SLC22A15: variants seen among roughly 807,000 people sequenced by gnomAD.
SLC22A15 encodes the protein flipt 1.
Under a neutral mutation model 62.7 loss-of-function variants are expected in SLC22A15, and 45 were observed. The observed-to-expected ratio is 0.72, with a 90% confidence interval of 0.56 to 0.92. SLC22A15 has a LOEUF of 0.92. SLC22A15 is among the 40% of genes least tolerant of loss of function. The pLI is 0.00. For missense variants in SLC22A15, 622 were observed against 665.6 expected, an observed-to-expected ratio of 0.93 and a Z score of 0.72; for synonymous variants, 264 against 267.0, an observed-to-expected ratio of 0.99 and a Z score of 0.11.
In SLC22A15 at chr1:115,976,581, C is replaced by G; in HGVS notation, c.-47C>G. 1 of 1,437,866 alleles carries G rather than the reference C, an allele frequency of 7.0e-7. No homozygotes were observed. The highest frequency in any genetic ancestry group is 1.5e-5 in the African/African-American group (1 of 68,082). 89.1% of individuals were successfully genotyped at this position (1,437,866 alleles called of 1,614,324 possible). A position where few individuals can be genotyped will look rare whatever the true frequency, so the allele number is the denominator to read the frequency against. On this transcript the variant is annotated 5_prime_UTR_variant, in exon 1 of 12. Coordinates refer to ENST00000369503, the MANE Select transcript of SLC22A15 (RefSeq NM_018420.3). Reference sequence around the variant, plus strand: ...GTTGCCGCGCTGGGCGGGAGGGCAGCGCCTGAGAGGGCGGTGGGGTGGCGG... The same window carrying G: ...GTTGCCGCGCTGGGCGGGAGGGCAGGGCCTGAGAGGGCGGTGGGGTGGCGG...
At chr1:116,016,666 A>G (rs1291428518) in intron 2 of SLC22A15, among the ~76,000 whole-genome samples, 1 of 152,080 alleles carries the variant, frequency 6.6e-6, no homozygotes, top group Non-Finnish European at 1.5e-5. Context: ...AATTCCCACC[A>G]TGTACCTAAC....
chr1:116,003,557 G>A (rs1366670327), intron 2 of SLC22A15, among the ~76,000 whole-genome samples: 1 of 152,182 alleles, frequency 6.6e-6, no homozygotes, highest in East Asian at 1.9e-4. Flanking sequence ...CCTTCTGTGG[G>A]CACCAGCTGA....
chr1:116,009,080 A>G (rs74882339), intron 2 of SLC22A15, among the ~76,000 whole-genome samples: 5,900 of 152,184 alleles, frequency 0.039, 134 homozygotes, highest in African/African-American at 0.052. Flanking sequence ...AATAGAATGA[A>G]CAATAGTTAA....
At chr1:116,012,850 G>GT (rs1656340447) in intron 2 of SLC22A15, among the ~76,000 whole-genome samples, 1 of 152,204 alleles carries the variant, frequency 6.6e-6, no homozygotes, top group Non-Finnish European at 1.5e-5. Context: ...TCCTGGGCTA[G>GT]TAGTAAGTGT....
chr1:116,066,736 C>T (rs201569991), intron 11 of SLC22A15, 28 bp downstream of exon 11: 26 of 1,574,708 alleles, frequency 1.7e-5, no homozygotes, highest in East Asian at 4.5e-5. Flanking sequence ...ATTATTATAC[C>T]GCTTGGATAG....
chr1:115,985,551 G>A (rs941755028), intron 1 of SLC22A15, among the ~76,000 whole-genome samples: 1 of 151,972 alleles, frequency 6.6e-6, no homozygotes, highest in African/African-American at 2.4e-5. Flanking sequence ...ATAATATAAT[G>A]TGTTGCAAAG....
chr1:116,013,248 C>T (rs1341845475), intron 2 of SLC22A15, among the ~76,000 whole-genome samples: 4 of 152,210 alleles, frequency 2.6e-5, no homozygotes, highest in African/African-American at 9.6e-5. Context: ...AGCACACAGG[C>T]CATAACCCTC....
chr1:115,990,835 G>T (rs866469751), intron 1 of SLC22A15, among the ~76,000 whole-genome samples: 6 of 152,092 alleles, frequency 3.9e-5, no homozygotes, highest in African/African-American at 1.4e-4. Flanking sequence ...TCAGCTCACC[G>T]CAACTTCCAC....
chr1:116,017,378 A>AAG (rs1263699641), intron 2 of SLC22A15: 2 of 152,038 alleles, frequency 1.3e-5, no homozygotes, highest in Non-Finnish European at 1.5e-5. Context: ...CAAAAAAAAA[A>AAG]AAAAAAGAAA....
chr1:116,049,927 C>T (rs1035590187), intron 8 of SLC22A15, among the ~76,000 whole-genome samples: 2 of 152,068 alleles, frequency 1.3e-5, no homozygotes, highest in African/African-American at 2.4e-5. Flanking sequence ...ACAACTGACA[C>T]CACTGAAATA....
At chr1:116,002,141 C>T (rs1210077743) in intron 2 of SLC22A15, among the ~76,000 whole-genome samples, 1 of 152,216 alleles carries the variant, frequency 6.6e-6, no homozygotes, top group Non-Finnish European at 1.5e-5. Flanking sequence ...GGGAGAATTT[C>T]CTGGATTACC....
chr1:116,006,549 C>T (rs1453575549), intron 2 of SLC22A15, among the ~76,000 whole-genome samples: 1 of 152,132 alleles, frequency 6.6e-6, no homozygotes, highest in African/African-American at 2.4e-5. Flanking sequence ...GTGATAGTAG[C>T]TACGTCTTTT....
intron 2 of SLC22A15, among the ~76,000 whole-genome samples, chr1:116,010,662 G>A (rs569113158): frequency 6.6e-6 from 1 of 152,254 alleles, no homozygotes; most frequent in Admixed American, 6.5e-5. Flanking sequence ...TTAAATACAG[G>A]CCAGGGGAGG....
At chr1:116,027,570 C>T (rs1421492388) in intron 5 of SLC22A15, among the ~76,000 whole-genome samples, 1 of 151,944 alleles carries the variant, frequency 6.6e-6, no homozygotes, top group Non-Finnish European at 1.5e-5. Context: ...CCAAGGGTGT[C>T]ATACCATGGC....
chr1:116,020,595 C>G (rs1206937035), intron 3 of SLC22A15, 126 bp from the exon 4 acceptor site: 2 of 819,096 alleles, frequency 2.4e-6, no homozygotes, highest in Non-Finnish European at 3.5e-6. Context: ...AAAAAGAAAC[C>G]CACAAAAACA....
At chr1:116,016,378 C>G (rs968367703) in intron 2 of SLC22A15, among the ~76,000 whole-genome samples, 3 of 148,964 alleles carry the variant, frequency 2.0e-5, no homozygotes, top group African/African-American at 7.8e-5. Context: ...AGGTGTGCAC[C>G]ACCACACCCA....
intron 2 of SLC22A15, among the ~76,000 whole-genome samples, chr1:115,994,890 A>G (rs967338709): frequency 3.3e-5 from 5 of 152,182 alleles, no homozygotes; most frequent in Admixed American, 6.5e-5. Context: ...CCTTGATAGC[A>G]TTGTATTTTC....
At chr1:115,988,295 A>G (rs1775702) in intron 1 of SLC22A15, among the ~76,000 whole-genome samples, 2 of 152,084 alleles carry the variant, frequency 1.3e-5, no homozygotes, top group Non-Finnish European at 2.9e-5. Flanking sequence ...GAATGTGTGC[A>G]TGGTAGTTGT....
At chr1:116,018,511 T>C (rs978641816) in intron 2 of SLC22A15, among the ~76,000 whole-genome samples, 1 of 152,066 alleles carries the variant, frequency 6.6e-6, no homozygotes, top group Non-Finnish European at 1.5e-5. Context: ...ACTACAGGCG[T>C]CCACCACCAC....
Sources: gnomAD v4.1 joint callset for allele counts (sites outside exome capture counted in the v4.1 genomes callset) on GRCh38, gnomAD v4.1.1 for gene constraint, MANE v1.5 for transcripts, NCBI Gene and HGNC (gene_info 2026-07-23, HGNC 2026-07-21) for gene names.